The following FZD3 variants were observed in gnomAD, a reference collection of about 807,000 sequenced individuals.
FZD3 encodes the protein frizzled-3.
FZD3 carries 30 observed loss-of-function variants against 60.7 expected under a neutral mutation model. The ratio of observed to expected loss-of-function variants is 0.49; its 90% CI spans 0.37 to 0.67. FZD3 has a LOEUF of 0.67. Among genes scored for constraint, FZD3 ranks in the 30% least tolerant of loss-of-function variants. FZD3 has a pLI of 0.00. For missense variants in FZD3, 605 were observed against 838.7 expected (o/e 0.72, Z 3.44); for synonymous variants, 246 against 275.2 (o/e 0.89, Z 1.05).
chr8:28,547,210 C>CT (rs2130448357), intron 5 of FZD3, among the ~76,000 whole-genome samples: 1 of 152,264 alleles, frequency 6.6e-6, no homozygotes, highest in Admixed American at 6.5e-5. Context: ...ACACACTTCC[C>CT]TACCTTGCTC....
intron 4 of FZD3, among the ~76,000 whole-genome samples, chr8:28,524,758 C>T (rs1213153233): frequency 1.3e-5 from 2 of 152,156 alleles, no homozygotes; most frequent in Non-Finnish European, 2.9e-5. Context: ...TGTAGCCTCT[C>T]TCTGCAAAGC....
At chr8:28,529,906 G>T (rs1328587666) in intron 5 of FZD3, among the ~76,000 whole-genome samples, 2 of 152,038 alleles carry the variant, frequency 1.3e-5, no homozygotes, top group African/African-American at 4.8e-5. Flanking sequence ...CAGTTTCTAG[G>T]ATTCTAAATT....
chr8:28,547,228 T>G (rs1805316036), intron 5 of FZD3, among the ~76,000 whole-genome samples: 2 of 152,226 alleles, frequency 1.3e-5, no homozygotes, highest in African/African-American at 4.8e-5. Flanking sequence ...CTCTTGTCAT[T>G]TAATGATATA....
chr8:28,518,421 G>A (rs2130341389), intron 3 of FZD3, among the ~76,000 whole-genome samples: 1 of 152,218 alleles, frequency 6.6e-6, no homozygotes, highest in South Asian at 2.1e-4. Context: ...ATGTTGGTAG[G>A]TCTCTGCCTC....
At chr8:28,542,091 CTTTTTTT>C (rs61301257) in intron 5 of FZD3, among the ~76,000 whole-genome samples, 2 of 133,568 alleles carry the variant, frequency 1.5e-5, no homozygotes, top group South Asian at 4.9e-4. Context: ...GAATGAAATC[CTTTTTTT>C]TTTTTTTTTT....
At chr8:28,500,043 A>G (rs1803948248) in intron 2 of FZD3, 65 bp downstream of exon 2, 1 of 152,182 alleles carries the variant, frequency 6.6e-6, no homozygotes, top group African/African-American at 2.4e-5. Context: ...TGAATCTGCT[A>G]CACTTTACGA....
intron 3 of FZD3, among the ~76,000 whole-genome samples, chr8:28,514,386 C>T (rs1804368926): frequency 6.6e-6 from 1 of 152,092 alleles, no homozygotes; most frequent in African/African-American, 2.4e-5. Flanking sequence ...TATGTAACAG[C>T]TTTATTGAGA....
At chr8:28,529,176 C>G (rs547321568) in intron 5 of FZD3, among the ~76,000 whole-genome samples, 85 of 152,238 alleles carry the variant, frequency 5.6e-4, no homozygotes, top group Non-Finnish European at 8.7e-4. Context: ...TCCTGGACCT[C>G]CCCAGATGCT....
intron 5 of FZD3, 55 bp downstream of exon 5, chr8:28,528,219 A>G (rs925745297): frequency 1.6e-5 from 21 of 1,328,656 alleles, no homozygotes; most frequent in Non-Finnish European, 2.2e-5. Flanking sequence ...ACAAAAGCAT[A>G]TTACTATAAT....
intron 5 of FZD3, among the ~76,000 whole-genome samples, chr8:28,542,921 G>A (rs921632375): frequency 1.3e-5 from 2 of 152,186 alleles, no homozygotes; most frequent in Non-Finnish European, 2.9e-5. Context: ...TGACCTTGCA[G>A]ATCAGTTCAC....
At chr8:28,502,582 C>G (rs971858625) in intron 2 of FZD3, 88 bp from the exon 3 acceptor site, 1 of 153,570 alleles carries the variant, frequency 6.5e-6, no homozygotes, top group Non-Finnish European at 1.4e-5. Context: ...AGTATAATAT[C>G]TCTCATCAAA....
At chr8:28,521,764 T>A (rs1424469805) in intron 4 of FZD3, among the ~76,000 whole-genome samples, 1 of 152,252 alleles carries the variant, frequency 6.6e-6, no homozygotes, top group Non-Finnish European at 1.5e-5. Context: ...GTAGGTCTAG[T>A]ACATTCCTTT....
intron 3 of FZD3, among the ~76,000 whole-genome samples, chr8:28,510,333 G>A (rs1358194919): frequency 2.0e-5 from 3 of 152,142 alleles, no homozygotes; most frequent in Non-Finnish European, 4.4e-5. Flanking sequence ...TTTGGGATAG[G>A]TTCCTAGAAG....
At chr8:28,505,848 G>A (rs938446660) in intron 3 of FZD3, among the ~76,000 whole-genome samples, 1 of 152,184 alleles carries the variant, frequency 6.6e-6, no homozygotes, top group Admixed American at 6.5e-5. Context: ...TTGAGATTGG[G>A]ACATGTTTAA....
chr8:28,550,994 C>T (rs1805398961), intron 5 of FZD3, among the ~76,000 whole-genome samples: 1 of 152,094 alleles, frequency 6.6e-6, no homozygotes, highest in Non-Finnish European at 1.5e-5. Context: ...ATCTACATCA[C>T]CACTGCCTCT....
intron 3 of FZD3, among the ~76,000 whole-genome samples, chr8:28,509,329 T>C (rs1208048555): frequency 1.3e-5 from 2 of 151,782 alleles, no homozygotes; most frequent in Admixed American, 6.5e-5. Context: ...ATAACACTTA[T>C]ATAAAATATT....
chr8:28,528,166 T>C lies in FZD3; in HGVS notation c.1404+2T>C, dbSNP rs1804769134. On this transcript the variant is annotated splice_donor_variant, in intron 5 of 7. Coordinates refer to ENST00000240093, the MANE Select transcript of FZD3 (RefSeq NM_017412.4). LOFTEE classifies it high-confidence loss of function. ...TATCACATTCCATGTCCATATCAGG[T>C]AAGGGAAACCTTGTTACAAATTTCA... The C allele has an allele frequency of 6.3e-7, 1 of 1,597,198 alleles. No homozygotes were observed. Among genetic ancestry groups the C allele is most frequent in the Non-Finnish European group, 8.5e-7 (1 of 1,171,736 alleles).
intron 5 of FZD3, among the ~76,000 whole-genome samples, chr8:28,546,936 C>T (rs1352941564): frequency 6.6e-6 from 1 of 151,238 alleles, no homozygotes; most frequent in Non-Finnish European, 1.5e-5. Flanking sequence ...TGCCACTGCA[C>T]TCCAGCCTGG....
At chr8:28,509,533 C>A (rs1239254302) in intron 3 of FZD3, among the ~76,000 whole-genome samples, 2 of 152,038 alleles carry the variant, frequency 1.3e-5, no homozygotes, top group Admixed American at 1.3e-4. Flanking sequence ...ATTCCATCTC[C>A]AGAGTTTTCT....
Sources: gnomAD v4.1 joint callset for allele counts (sites outside exome capture counted in the v4.1 genomes callset) on GRCh38, gnomAD v4.1.1 for gene constraint, MANE v1.5 for transcripts, NCBI Gene and HGNC (gene_info 2026-07-23, HGNC 2026-07-21) for gene names.